Variants in ITGAD observed in about 807,000 individuals in gnomAD.
The protein encoded by ITGAD is integrin alpha-D.
In ITGAD, 105 loss-of-function variants were observed where a neutral mutation model predicts 139.0. The ratio of observed to expected loss-of-function variants is 0.76; its 90% confidence interval spans 0.65 to 0.89. The LOEUF is 0.89. Among genes scored for constraint, ITGAD ranks in the 40% least tolerant of loss-of-function variants. The probability of loss-of-function intolerance (pLI) is 0.00; values close to 1 mark genes in which losing one functional copy is unlikely to be tolerated. For synonymous variants in ITGAD, 569 were observed against 598.3 expected (o/e 0.95, Z 0.71); for missense variants, 1,384 against 1,487.3 (o/e 0.93, Z 1.14).
At chr16:31,413,862 T>C (rs1347424169) in intron 16 of ITGAD, among the ~76,000 whole-genome samples, 3 of 151,994 alleles carry the variant, frequency 2.0e-5, no homozygotes, top group Admixed American at 2.0e-4. Context: ...TGCTTAGCCA[T>C]GGTCCATCCG....
In ITGAD at chr16:31,411,221, G is replaced by A. The variant is rs371209859; in HGVS notation, c.1497+5G>A. ...GTGTGTCCCTTGCCTAGGGGGGTGA[G>A]TGGCTGATGGGACCTAGGCTGGGTG... On this transcript the variant is annotated splice_donor_5th_base_variant and intron_variant, in intron 13 of 29. Coordinates refer to ENST00000389202, the MANE Select transcript of ITGAD (RefSeq NM_005353.3). The A allele has an allele frequency of 3.1e-6, 5 of 1,612,928 alleles. No individual in the cohort carries two copies. The African/African-American group carries it at 6.7e-5, about 22-fold the overall frequency.
chr16:31,407,596 C>T lies in ITGAD; in HGVS notation c.786C>T (p.Tyr262=). 6.2e-7 allele frequency: 1 copy of T among 1,613,914 alleles called. No homozygotes were observed. Among genetic ancestry groups the T allele is most frequent in the South Asian group, 1.1e-5 (1 of 91,060 alleles). ...ILIVITDGQK[Y]KDPLEYSDVI... ...TTGTCATCACAGATGGGCAGAAGTA[C>T]AAAGACCCCCTGGAATACAGTGATG... Residue 262 remains tyrosine, a synonymous_variant, in exon 8 of 30, where the codon TAC becomes TAT. Transcript: ENST00000389202.
rs954195090 is a variant in ITGAD at position 31,425,908 on chromosome 16, T to C, written c.3373-107T>C. ...GTTGGCCAGGCTGGTCTCCAGCTCCTGACCTCAGGTGATCCACCCTCCTCA... is the reference window on the plus strand; with the variant it reads ...GTTGGCCAGGCTGGTCTCCAGCTCCCGACCTCAGGTGATCCACCCTCCTCA... On this transcript the variant is annotated intron_variant, in intron 29 of 29. Coordinates refer to ENST00000389202, the MANE Select transcript of ITGAD (RefSeq NM_005353.3). The C allele has an allele frequency of 1.2e-5, 8 of 685,598 alleles. No homozygotes were observed. The African/African-American group carries it at 1.4e-4, about 12-fold the overall frequency. The allele number at this position is 685,598 out of a possible 1,614,324, so 42.5% of individuals were successfully genotyped here.
intron 18 of ITGAD, 71 bp downstream of exon 18, chr16:31,415,062 T>G: frequency 6.4e-7 from 1 of 1,562,376 alleles, no homozygotes; most frequent in Non-Finnish European, 8.8e-7. Flanking sequence ...GAATCCACTG[T>G]AGCTCCCCAA....
rs1205776086 is a variant in ITGAD, at chr16:31,416,199, C to T, written c.2284-14C>T. On this transcript the variant is annotated splice_polypyrimidine_tract_variant and intron_variant, in intron 18 of 29. Coordinates refer to ENST00000389202, the MANE Select transcript of ITGAD (RefSeq NM_005353.3). ...AGATGTCAGATGGGAACAGAATATA[C>T]TATTTTGCTGCAGCTCCCCTTCGAG... The T allele has an allele frequency of 2.5e-6, 4 of 1,592,504 alleles. No individual in the cohort carries two copies. The highest frequency in any genetic ancestry group is 3.3e-4 in the Middle Eastern group (2 of 5,978).
Position 31,425,985 on chromosome 16 carries a change from C to T in ITGAD, c.3373-30C>T, listed in dbSNP as rs185656701. On this transcript the variant is annotated intron_variant, in intron 29 of 29. Coordinates refer to ENST00000389202, the MANE Select transcript of ITGAD (RefSeq NM_005353.3). ...TGTGAGCCACCGGGCCCGGACTTAC[C>T]CAGCTTTTCTAATTTATTTCCCCTG... The T allele has an allele frequency of 4.9e-5, 75 of 1,525,142 alleles. No individual in the cohort carries two copies. The East Asian group carries it at 1.1e-3, about 23-fold the overall frequency. The allele number at this position is 1,525,142 out of a possible 1,614,324, so 94.5% of individuals were successfully genotyped here.
intron 9 of ITGAD, 62 bp downstream of exon 9, chr16:31,407,978 G>C (rs571262251): frequency 6.1e-6 from 9 of 1,486,400 alleles, no homozygotes; most frequent in Non-Finnish European, 8.1e-6. Context: ...TCCCGTGCAG[G>C]CTTTTTTTTT....
Position 31,403,671 on chromosome 16 carries a change from C to A in ITGAD, c.704+26C>A, listed in dbSNP as rs759323505. The A allele has an allele frequency of 5.6e-6, 9 of 1,613,366 alleles. No individual in the cohort carries two copies. Among genetic ancestry groups the A allele is most frequent in the South Asian group, 1.1e-5 (1 of 91,026 alleles). On this transcript the variant is annotated intron_variant, in intron 7 of 29. Coordinates refer to ENST00000389202, the MANE Select transcript of ITGAD (RefSeq NM_005353.3). The surrounding 1 kb of genome is among the most constrained non-coding windows in gnomAD (Gnocchi z 4.4). ...GTAAGCAACCCCGACCCCAGCCTGG[C>A]GATGTGACTGCCACCCCCACTTCCT...
At chr16:31,423,814 C>T in intron 26 of ITGAD, 31 bp from the exon 27 acceptor site, 1 of 1,606,414 alleles carries the variant, frequency 6.2e-7, no homozygotes, top group Non-Finnish European at 8.5e-7. Flanking sequence ...CAGGGAAGAA[C>T]CCCTCAGTTT....
At position 31,414,853 on chromosome 16, in the gene ITGAD, C is replaced by T. The variant is rs1402272629; in HGVS notation, c.2152-7C>T. 1.9e-6 allele frequency: 3 copies of T among 1,613,752 alleles called. No homozygotes were observed. The highest frequency in any genetic ancestry group is 1.7e-5 in the Admixed American group (1 of 59,980). ...CAGCAGGTTCTTGAAAGCCTGTTCT[C>T]TCTCAGGATTGTGTGGAGGATGTGG... On this transcript the variant is annotated splice_polypyrimidine_tract_variant and splice_region_variant and intron_variant, in intron 17 of 29. Transcript: ENST00000389202.
In ITGAD at chr16:31,418,259, G is replaced by A. The variant is rs549514109; in HGVS notation, c.2617-42G>A. On this transcript the variant is annotated intron_variant, in intron 21 of 29. Coordinates refer to ENST00000389202, the MANE Select transcript of ITGAD (RefSeq NM_005353.3). ...CCCAATCTGTCCCTCACTCTGCCAT[G>A]CCCTTCCTTTTATCCCCATTCTTTC... The A allele has an allele frequency of 1.7e-4, 271 of 1,606,954 alleles. 1 individual carries two copies. In the South Asian group the frequency reaches 1.9e-3, roughly 11 times the overall value.
At chr16:31,399,953 G>C (rs552672147) in intron 5 of ITGAD, among the ~76,000 whole-genome samples, 3 of 152,346 alleles carry the variant, frequency 2.0e-5, no homozygotes, top group East Asian at 1.9e-4. Context: ...CCCAGAGCTT[G>C]AGCCATCCTT....
chr16:31,407,422 C>T, intron 7 of ITGAD, 93 bp from the exon 8 acceptor site: 1 of 1,233,960 alleles, frequency 8.1e-7, no homozygotes, highest in Non-Finnish European at 1.1e-6. Flanking sequence ...GGTGCCAGGA[C>T]TCCCCAGCCT....
intron 2 of ITGAD, among the ~76,000 whole-genome samples, chr16:31,396,333 C>T (rs775425744): frequency 6.6e-5 from 10 of 152,120 alleles, no homozygotes; most frequent in Admixed American, 3.3e-4. Context: ...ATTAGCCTGG[C>T]GTGATGGCAG....
intron 2 of ITGAD, among the ~76,000 whole-genome samples, chr16:31,395,741 G>T (rs1002025770): frequency 2.0e-5 from 3 of 152,092 alleles, no homozygotes; most frequent in Non-Finnish European, 4.4e-5. Context: ...TGTCACCAAG[G>T]TCTGGGGGGC....
chr16:31,408,414 T>G lies in ITGAD; in HGVS notation c.1010-11T>G, dbSNP rs375243445. 8.1e-6 allele frequency: 13 copies of G among 1,613,190 alleles called. 1 individual carries two copies. The African/African-American group carries it at 1.7e-4, about 22-fold the overall frequency. On this transcript the variant is annotated splice_polypyrimidine_tract_variant and intron_variant, in intron 9 of 29. Coordinates refer to ENST00000389202, the MANE Select transcript of ITGAD (RefSeq NM_005353.3). ...GGCTTCTAGGAACTTCACTGACCTG[T>G]TTCCCCACAGGAACCCAGTCCAGGG...
At chr16:31,421,982 G>C (rs1441876652) in intron 23 of ITGAD, among the ~76,000 whole-genome samples, 1 of 152,190 alleles carries the variant, frequency 6.6e-6, no homozygotes, top group East Asian at 1.9e-4. Context: ...CCAGGCTGGA[G>C]GGGAGTGGTG....
At chr16:31,394,082 G>A (rs1345388096) in intron 1 of ITGAD, among the ~76,000 whole-genome samples, 154 bp from the exon 2 acceptor site, 1 of 143,856 alleles carries the variant, frequency 7.0e-6, no homozygotes, top group Non-Finnish European at 1.5e-5. Flanking sequence ...AGTGAGCTGA[G>A]ATCGTGCCGT....
chr16:31,424,028 C>T, intron 27 of ITGAD, 70 bp downstream of exon 27: 1 of 1,603,576 alleles, frequency 6.2e-7, no homozygotes, highest in East Asian at 2.2e-5. Flanking sequence ...TGCCCATCTG[C>T]AAGCCAGGGC....
Sources: allele counts gnomAD v4.1 joint callset (sites outside exome capture counted in the v4.1 genomes callset), GRCh38; gene constraint gnomAD v4.1.1; non-coding constraint Gnocchi (gnomAD v3.1); transcripts MANE v1.5; gene names NCBI Gene and HGNC (gene_info 2026-07-23, HGNC 2026-07-21).